The following CARS1 variants were observed in gnomAD, a reference collection of about 807,000 sequenced individuals.
CARS1 encodes the protein cysteinyl-tRNA synthetase 1, also known as cysteine--tRNA ligase, cytoplasmic.
In CARS1, 48 loss-of-function variants were observed where a neutral mutation model predicts 106.2. The ratio of observed to expected loss-of-function variants is 0.45; its 90% CI spans 0.36 to 0.57. The LOEUF (loss-of-function observed/expected upper bound fraction) is 0.57. Ranked by LOEUF, CARS1 falls within the 20% of genes least tolerant of loss-of-function variation. CARS1 has a pLI of 0.00. For missense variants in CARS1, 968 were observed against 1,057.2 expected (o/e 0.92, Z 1.17); for synonymous variants, 409 against 403.4 (o/e 1.01, Z -0.17).
At chr11:3,042,839 T>C (rs1287257900) in intron 2 of CARS1, among the ~76,000 whole-genome samples, 1 of 152,196 alleles carries the variant, frequency 6.6e-6, no homozygotes, top group Non-Finnish European at 1.5e-5. Context: ...CTCCAAGCCC[T>C]GGCAGCAGAA....
Position 3,042,222 on chromosome 11 carries a change from AG to A in CARS1, c.308del (p.Pro103LeufsTer31). On this transcript the variant is annotated frameshift_variant, in exon 3 of 23. Coordinates refer to ENST00000380525, the MANE Select transcript of CARS1 (RefSeq NM_001014437.3). LOFTEE classifies it high-confidence loss of function. ...GTCTGCATGGCTGGGTCCCAGCAGGAGGGGACCACTGGGGCTGCACACGCCG... is the reference window on the plus strand; with the variant it reads ...GTCTGCATGGCTGGGTCCCAGCAGGAGGGACCACTGGGGCTGCACACGCCG... ...KGRRVQPQWS[P>X]PAGTQPCRLH... 1 of 1,613,522 alleles carries A rather than the reference AG, an allele frequency of 6.2e-7. No homozygotes were observed. The highest frequency in any genetic ancestry group is 8.5e-7 in the Non-Finnish European group (1 of 1,179,976).
At chr11:3,013,678 C>T (rs1158368301) in intron 17 of CARS1, among the ~76,000 whole-genome samples, 3 of 151,922 alleles carry the variant, frequency 2.0e-5, no homozygotes, top group East Asian at 2.0e-4. Flanking sequence ...GTGAAACCCC[C>T]GTCTCTACTA....
In CARS1 at chr11:3,053,371, C is replaced by T. The variant is rs1031755811; in HGVS notation, c.25+3972G>A. ...TCAGCCTCCCGAGTAGCTGGGATTA[C>T]AGGTGCCCGCCACCATGCCCAGCTA... On this transcript the variant is annotated intron_variant, in intron 1 of 22. Coordinates refer to ENST00000380525, the MANE Select transcript of CARS1 (RefSeq NM_001014437.3). This position sits in a 1 kb window ranked among gnomAD's most constrained non-coding sequence, Gnocchi z 6.6. 2.0e-5 allele frequency among the ~76,000 whole-genome samples: 3 copies of T among 152,108 alleles called. No homozygotes were observed. Among genetic ancestry groups the T allele is most frequent in the South Asian group, 2.1e-4 (1 of 4,822 alleles).
At position 3,057,406 on chromosome 11, in the gene CARS1, C is replaced by A; in HGVS notation, c.-39G>T. 1.3e-6 allele frequency: 2 copies of A among 1,599,576 alleles called. No homozygotes were observed. The highest frequency in any genetic ancestry group is 1.7e-6 in the Non-Finnish European group (2 of 1,170,718). On this transcript the variant is annotated 5_prime_UTR_variant, in exon 1 of 23. Transcript: ENST00000380525. ...GGACCCGCAGCTGCGGCTACAGACACTTCCTAGAATCTGATGCAACCGCCG... is the reference window on the plus strand; with the variant it reads ...GGACCCGCAGCTGCGGCTACAGACAATTCCTAGAATCTGATGCAACCGCCG...
chr11:3,042,524 C>A (rs569686060), intron 2 of CARS1, among the ~76,000 whole-genome samples: 2 of 152,180 alleles, frequency 1.3e-5, no homozygotes, highest in South Asian at 2.1e-4. Flanking sequence ...TCCCGACAAC[C>A]GCGTCTTTCT....
intron 18 of CARS1, among the ~76,000 whole-genome samples, 175 bp downstream of exon 18, chr11:3,012,020 T>C (rs567031245): frequency 6.6e-6 from 1 of 152,248 alleles, no homozygotes; most frequent in Non-Finnish European, 1.5e-5. Flanking sequence ...CGTGTGGTAC[T>C]AATGCACCTG....
intron 19 of CARS1, 101 bp downstream of exon 19, chr11:3,006,778 C>CA (rs1849908093): frequency 3.2e-6 from 3 of 939,202 alleles, no homozygotes; most frequent in Admixed American, 3.6e-5. Context: ...TCTGCATCAG[C>CA]AATCATGAAG....
Position 3,021,318 on chromosome 11 carries a change from G to A in CARS1, c.1154-986C>T, listed in dbSNP as rs912535641. ...TAGGCATAAGGTTACCAGGACCCAC[G>A]CCAGGTCTTGCCCGGCTGCTGCAGC... On this transcript the variant is annotated intron_variant, in intron 10 of 22. Coordinates refer to ENST00000380525, the MANE Select transcript of CARS1 (RefSeq NM_001014437.3). The surrounding 1 kb of genome is among the most constrained non-coding windows in gnomAD (Gnocchi z 5.3). 3.3e-5 allele frequency among the ~76,000 whole-genome samples: 5 copies of A among 152,192 alleles called. No individual in the cohort carries two copies. Among genetic ancestry groups the A allele is most frequent in the South Asian group, 2.1e-4 (1 of 4,834 alleles).
Position 3,019,306 on chromosome 11 carries a change from C to G in CARS1, c.1267-39G>C. On this transcript the variant is annotated intron_variant, in intron 11 of 22. Coordinates refer to ENST00000380525, the MANE Select transcript of CARS1 (RefSeq NM_001014437.3). This position sits in a 1 kb window ranked among gnomAD's most constrained non-coding sequence, Gnocchi z 6.2. Reference sequence around the variant, plus strand: ...AACACACAGTGACTGACCAGCCTACCCGCTTGTCCAGGCCTTTATCACTTA... The same window carrying G: ...AACACACAGTGACTGACCAGCCTACGCGCTTGTCCAGGCCTTTATCACTTA... The G allele has an allele frequency of 7.3e-7, 1 of 1,375,604 alleles. No homozygotes were observed. The highest frequency in any genetic ancestry group is 2.1e-5 in the South Asian group (1 of 47,460). 85.2% of individuals were successfully genotyped at this position (1,375,604 alleles called of 1,614,324 possible). A position where few individuals can be genotyped will look rare whatever the true frequency, so the allele number is the denominator to read the frequency against.
At chr11:3,036,826 C>G (rs905062433) in intron 7 of CARS1, among the ~76,000 whole-genome samples, 4 of 152,154 alleles carry the variant, frequency 2.6e-5, no homozygotes, top group African/African-American at 7.2e-5. Flanking sequence ...CTATACACAA[C>G]AGAGTATCAT....
At chr11:3,027,053 C>T (rs1590406274) in intron 9 of CARS1, 2 of 412,704 alleles carry the variant, frequency 4.8e-6, no homozygotes, top group Middle Eastern at 1.3e-3. Flanking sequence ...ATGCAGCTCC[C>T]ACCCTGCCTT....
In CARS1 at chr11:3,043,791, G is replaced by A. The variant is rs1200434013; in HGVS notation, c.275-1535C>T. Among the ~76,000 whole-genome samples the A allele has an allele frequency of 6.6e-6, 1 of 152,130 alleles. No individual in the cohort carries two copies. The highest frequency in any genetic ancestry group is 1.5e-5 in the Non-Finnish European group (1 of 68,032). ...GCTGATGACTAACAGGCCAAGGGGAGGAAGGAGGGCGGCTGCACTGTGTCT... is the reference window on the plus strand; with the variant it reads ...GCTGATGACTAACAGGCCAAGGGGAAGAAGGAGGGCGGCTGCACTGTGTCT... On this transcript the variant is annotated intron_variant, in intron 2 of 22. Transcript: ENST00000380525. This position sits in a 1 kb window ranked among gnomAD's most constrained non-coding sequence, Gnocchi z 4.0.
chr11:3,030,435 C>A lies in CARS1; in HGVS notation c.802-992G>T, dbSNP rs1333869314. On this transcript the variant is annotated intron_variant, in intron 7 of 22. Coordinates refer to ENST00000380525, the MANE Select transcript of CARS1 (RefSeq NM_001014437.3). The surrounding 1 kb of genome is among the most constrained non-coding windows in gnomAD (Gnocchi z 5.7). ...CACCCTCCCCACCGCGGCAGGGCAT[C>A]CAGTGGGCAGACAAGCACCAAAAGC... 2 of 152,276 alleles carry A rather than the reference C, an allele frequency of 1.3e-5. No homozygotes were observed. Among genetic ancestry groups the A allele is most frequent in the African/African-American group, 4.8e-5 (2 of 41,466 alleles). The allele number at this position is 152,276 out of a possible 1,614,324, so 9.4% of individuals were successfully genotyped here. A position where few individuals can be genotyped will look rare whatever the true frequency, so the allele number is the denominator to read the frequency against.
intron 10 of CARS1, 28 bp downstream of exon 10, chr11:3,026,648 C>T (rs757502426): frequency 6.2e-7 from 1 of 1,610,974 alleles, no homozygotes; most frequent in Non-Finnish European, 8.5e-7. Context: ...AGGGAGAGCC[C>T]ACATGCTCTC....
In CARS1 at chr11:3,037,429, C is replaced by A. The variant is rs900080742; in HGVS notation, c.801+621G>T. ...ACACACAGCTGCAGCCGTCTCTTCT[C>A]TTTTCCATCGAGTTCTTAAAGGGTG... On this transcript the variant is annotated intron_variant, in intron 7 of 22. Transcript: ENST00000380525. This position sits in a 1 kb window ranked among gnomAD's most constrained non-coding sequence, Gnocchi z 5.9. Among the ~76,000 whole-genome samples, 1 of 152,202 alleles carries A rather than the reference C, an allele frequency of 6.6e-6. No homozygotes were observed. Among genetic ancestry groups the A allele is most frequent in the African/African-American group, 2.4e-5 (1 of 41,450 alleles).
At position 3,017,859 on chromosome 11, in the gene CARS1, C is replaced by T. The variant is rs548958748; in HGVS notation, c.1725G>A (p.Lys575=). The change falls in exon 15 of 23, where the codon AAG becomes AAA. Residue 575 remains lysine, a splice_region_variant and synonymous_variant. Transcript: ENST00000380525. The surrounding 1 kb of genome is among the most constrained non-coding windows in gnomAD (Gnocchi z 4.9). ...CCAAAGAAATGGCACCACCTTACTT[C>T]TTATTCAGTTCTGCTTCTTCTTCTC... ...KWGEEEAELN[K]NFYDKKTAIH... 4.4e-6 allele frequency: 7 copies of T among 1,607,714 alleles called. No homozygotes were observed. The highest frequency in any genetic ancestry group is 1.1e-5 in the South Asian group (1 of 90,884).
chr11:3,016,926 C>G (rs767857669), intron 16 of CARS1, among the ~76,000 whole-genome samples, 180 bp downstream of exon 16: 2 of 152,144 alleles, frequency 1.3e-5, no homozygotes, highest in Non-Finnish European at 2.9e-5. Context: ...GGTGTTATTT[C>G]TAACGCGTGA....
intron 7 of CARS1, among the ~76,000 whole-genome samples, chr11:3,033,407 A>G (rs529792995): frequency 1.3e-5 from 2 of 152,260 alleles, no homozygotes; most frequent in Admixed American, 1.3e-4. Context: ...AGCGAATAAC[A>G]ATAAGTTAAT....
chr11:3,001,908 C>A, intron 22 of CARS1, 62 bp downstream of exon 22: 2 of 1,262,322 alleles, frequency 1.6e-6, no homozygotes, highest in South Asian at 2.4e-5. Context: ...AATTCCTGTC[C>A]TCCCACTTTA....
Sources: allele counts gnomAD v4.1 joint callset (sites outside exome capture counted in the v4.1 genomes callset), GRCh38; gene constraint gnomAD v4.1.1; non-coding constraint Gnocchi (gnomAD v3.1); transcripts MANE v1.5; gene names NCBI Gene and HGNC (gene_info 2026-07-23, HGNC 2026-07-21).